The following CNBD1 variants were observed in gnomAD, a reference collection of about 807,000 sequenced individuals.
CNBD1 encodes the protein cyclic nucleotide binding domain containing 1.
CNBD1 carries 71 observed loss-of-function variants against 54.4 expected under a neutral mutation model. The observed-to-expected ratio is 1.30, with a 90% CI of 1.08 to 1.59. The LOEUF (loss-of-function observed/expected upper bound fraction) is 1.59, where lower values mean the gene tolerates loss of function less well. Among genes scored for constraint, CNBD1 ranks in the 40% most tolerant of loss-of-function variants. The pLI is 0.00. For synonymous variants in CNBD1, 182 were observed against 170.7 expected (o/e 1.07, Z -0.51); for missense variants, 659 against 518.0 (o/e 1.27, Z -2.64).
chr8:87,180,423 C>G (rs896464725), intron 4 of CNBD1, among the ~76,000 whole-genome samples: 1 of 151,940 alleles, frequency 6.6e-6, no homozygotes, highest in Non-Finnish European at 1.5e-5. Context: ...TGTGTGTTGT[C>G]TTGTATTATT....
chr8:86,875,089 C>A (rs974469533), intron 1 of CNBD1, among the ~76,000 whole-genome samples: 9 of 149,020 alleles, frequency 6.0e-5, no homozygotes, highest in Admixed American at 4.0e-4. Flanking sequence ...TCATTCTTAT[C>A]TTCTCCCTTT....
intron 6 of CNBD1, among the ~76,000 whole-genome samples, chr8:87,270,190 C>G (rs1042610511): frequency 6.6e-6 from 1 of 151,806 alleles, no homozygotes; most frequent in Admixed American, 6.6e-5. Context: ...GCAGAGAAAG[C>G]TTTTGATAAA....
At chr8:87,277,465 G>A (rs13250179) in intron 6 of CNBD1, among the ~76,000 whole-genome samples, 48,630 of 151,448 alleles carry the variant, frequency 0.32, 8,567 homozygotes, top group Non-Finnish European at 0.4. Context: ...CAAATATTTG[G>A]ACACTCCGTG....
chr8:86,885,593 C>T (rs1808670714), intron 1 of CNBD1, among the ~76,000 whole-genome samples: 1 of 152,196 alleles, frequency 6.6e-6, no homozygotes, highest in Non-Finnish European at 1.5e-5. Context: ...ACAAGAAAAG[C>T]TCAACATCTG....
At chr8:87,371,227 A>C (rs888030306) in intron 10 of CNBD1, among the ~76,000 whole-genome samples, 2 of 151,934 alleles carry the variant, frequency 1.3e-5, no homozygotes, top group Admixed American at 1.3e-4. Flanking sequence ...TTTTGGTTCC[A>C]TATGAACTTT....
At chr8:86,974,638 A>G (rs1808300256) in intron 4 of CNBD1, among the ~76,000 whole-genome samples, 1 of 152,020 alleles carries the variant, frequency 6.6e-6, no homozygotes, top group Non-Finnish European at 1.5e-5. Context: ...GTTAAATTTA[A>G]AGGTGAGAAG....
Position 87,043,852 on chromosome 8 carries a change from C to A in CNBD1, c.431+104098C>A, listed in dbSNP as rs376516340. Among the ~76,000 whole-genome samples, 113 of 152,328 alleles carry A rather than the reference C, an allele frequency of 7.4e-4. 1 individual carries two copies. In the Middle Eastern group the frequency reaches 0.014, roughly 18 times the overall value. Reference sequence around the variant, plus strand: ...CAGCAAGAAATCTGGTATTTCATTTCTTTGCTATTTCATCCCTGCCCTGGT... The same window carrying A: ...CAGCAAGAAATCTGGTATTTCATTTATTTGCTATTTCATCCCTGCCCTGGT... On this transcript the variant is annotated intron_variant, in intron 4 of 10. Transcript: ENST00000518476.
chr8:87,270,411 A>G (rs1378151504), intron 6 of CNBD1, among the ~76,000 whole-genome samples: 5 of 152,052 alleles, frequency 3.3e-5, no homozygotes. Context: ...AACCACAATG[A>G]GATACCATCT....
At chr8:87,028,733 AT>A (rs1490358128) in intron 4 of CNBD1, among the ~76,000 whole-genome samples, 2 of 152,222 alleles carry the variant, frequency 1.3e-5, no homozygotes, top group African/African-American at 4.8e-5. Context: ...ATTTTCAATT[AT>A]TTGGTACCTT....
At chr8:87,054,005 T>C (rs1810363606) in intron 4 of CNBD1, among the ~76,000 whole-genome samples, 1 of 152,236 alleles carries the variant, frequency 6.6e-6, no homozygotes, top group Non-Finnish European at 1.5e-5. Flanking sequence ...GGAGACAGCG[T>C]GGAGGCTAAA....
intron 10 of CNBD1, among the ~76,000 whole-genome samples, chr8:87,363,436 A>G (rs1352229159): frequency 6.6e-6 from 1 of 152,108 alleles, no homozygotes; most frequent in South Asian, 2.1e-4. Context: ...GTCTTCCACA[A>G]TGGTTGAACT....
At chr8:86,886,595 A>C (rs1333362387) in intron 1 of CNBD1, among the ~76,000 whole-genome samples, 1 of 152,200 alleles carries the variant, frequency 6.6e-6, no homozygotes, top group African/African-American at 2.4e-5. Context: ...AGGATCACAA[A>C]ATTTTTATAC....
At chr8:87,003,571 G>C (rs892684840) in intron 4 of CNBD1, among the ~76,000 whole-genome samples, 12 of 152,108 alleles carry the variant, frequency 7.9e-5, no homozygotes, top group Admixed American at 7.2e-4. Context: ...CAGTCAAATA[G>C]AAAAGCAGAA....
chr8:86,943,566 A>G (rs367929768), intron 4 of CNBD1, among the ~76,000 whole-genome samples: 17 of 152,124 alleles, frequency 1.1e-4, no homozygotes, highest in African/African-American at 3.9e-4. Context: ...TCATTGGGAG[A>G]GGCATTAAAA....
At chr8:87,140,353 G>T (rs9693285) in intron 4 of CNBD1, among the ~76,000 whole-genome samples, 1 of 152,160 alleles carries the variant, frequency 6.6e-6, no homozygotes, top group South Asian at 2.1e-4. Flanking sequence ...TATAGATTGA[G>T]GTCTATCTCC....
chr8:87,046,937 G>C (rs1279502552), intron 4 of CNBD1, among the ~76,000 whole-genome samples: 1 of 152,134 alleles, frequency 6.6e-6, no homozygotes, highest in African/African-American at 2.4e-5. Context: ...GGAAAGGACC[G>C]TGTGTTATTT....
At chr8:87,024,552 G>C (rs1809586182) in intron 4 of CNBD1, among the ~76,000 whole-genome samples, 1 of 151,894 alleles carries the variant, frequency 6.6e-6, no homozygotes, top group Non-Finnish European at 1.5e-5. Flanking sequence ...ATATTGGCCA[G>C]GCTGGTCTCA....
chr8:86,941,513 G>A (rs937360157), intron 4 of CNBD1, among the ~76,000 whole-genome samples: 2 of 152,142 alleles, frequency 1.3e-5, no homozygotes, highest in African/African-American at 4.8e-5. Context: ...AATGGCAGTG[G>A]TAATTCCTGT....
intron 8 of CNBD1, among the ~76,000 whole-genome samples, chr8:87,290,373 A>G (rs1481711724): frequency 1.3e-5 from 2 of 152,064 alleles, no homozygotes; most frequent in African/African-American, 4.8e-5. Flanking sequence ...TTAGTTCAAT[A>G]TCAGTTTTCT....
Sources: allele counts gnomAD v4.1 joint callset (sites outside exome capture counted in the v4.1 genomes callset), GRCh38; gene constraint gnomAD v4.1.1; transcripts MANE v1.5; gene names NCBI Gene and HGNC (gene_info 2026-07-23, HGNC 2026-07-21).